Variants in FILIP1L observed in about 807,000 individuals in gnomAD.
The protein encoded by FILIP1L is filamin A-interacting protein 1-like.
Under a neutral mutation model 96.6 loss-of-function variants are expected in FILIP1L, and 55 were observed. That is an observed-to-expected ratio of 0.57 (90% CI 0.46 to 0.71). The LOEUF (loss-of-function observed/expected upper bound fraction) is 0.71, where lower values mean the gene tolerates loss of function less well. FILIP1L is among the 30% of genes least tolerant of loss of function. FILIP1L has a pLI of 0.00. For synonymous variants in FILIP1L, 467 were observed against 473.9 expected, an observed-to-expected ratio of 0.99 and a Z score of 0.19; for missense variants, 1,304 against 1,321.2, an observed-to-expected ratio of 0.99 and a Z score of 0.20.
Position 99,829,834 on chromosome 3 carries a change from A to G in FILIP1L, c.*580T>C, listed in dbSNP as rs1261189895. 3.3e-5 allele frequency among the ~76,000 whole-genome samples: 5 copies of G among 152,204 alleles called. No homozygotes were observed. The highest frequency in any genetic ancestry group is 9.6e-5 in the African/African-American group (4 of 41,456). ...CAGTGATTGTCAGGTATTCTGCACA[A>G]AGGATATATTCGGCTGTTATTCACT... On this transcript the variant is annotated 3_prime_UTR_variant, in exon 6 of 6. Coordinates refer to ENST00000477258, the MANE Select transcript of FILIP1L (RefSeq NM_001387850.1).
rs892329984 is a variant in FILIP1L at position 99,984,925 on chromosome 3, T to C, written c.-10-53895A>G. On this transcript the variant is annotated intron_variant, in intron 1 of 5. Coordinates refer to ENST00000477258, the MANE Select transcript of FILIP1L (RefSeq NM_001387850.1). ...AATAAGGAACTTGGACAACTGGAAT[T>C]CCCAGGTTAAATAAACTGAGGATAT... Among the ~76,000 whole-genome samples the C allele has an allele frequency of 6.6e-5, 10 of 152,258 alleles. No individual in the cohort carries two copies. In the Middle Eastern group the frequency reaches 0.01, roughly 155 times the overall value.
At chr3:99,934,595 A>G (rs984088089) in intron 1 of FILIP1L, among the ~76,000 whole-genome samples, 5 of 152,200 alleles carry the variant, frequency 3.3e-5, no homozygotes, top group Admixed American at 1.3e-4. Flanking sequence ...CAGAATACCA[A>G]GATAATGTAA....
At chr3:99,874,900 T>C (rs1705433508) in intron 4 of FILIP1L, among the ~76,000 whole-genome samples, 1 of 152,190 alleles carries the variant, frequency 6.6e-6, no homozygotes, top group East Asian at 1.9e-4. Flanking sequence ...CTCCAAACAG[T>C]TATCTTATAT....
chr3:100,103,469 C>T (rs1311697833), intron 1 of FILIP1L, among the ~76,000 whole-genome samples: 1 of 152,190 alleles, frequency 6.6e-6, no homozygotes, highest in African/African-American at 2.4e-5. Context: ...GTGTGAGCTC[C>T]TTTGTGTAAC....
At chr3:100,002,969 C>T (rs749159847) in intron 1 of FILIP1L, among the ~76,000 whole-genome samples, 13 of 152,110 alleles carry the variant, frequency 8.5e-5, no homozygotes, top group South Asian at 4.1e-4. Flanking sequence ...AGAGTCCAGG[C>T]GACAAGATTG....
At chr3:100,084,964 C>T (rs1393259310) in intron 1 of FILIP1L, among the ~76,000 whole-genome samples, 1 of 152,318 alleles carries the variant, frequency 6.6e-6, no homozygotes, top group Non-Finnish European at 1.5e-5. Context: ...TGCAGAAACT[C>T]ATTCTCTGTC....
At chr3:99,877,712 C>T (rs78603775) in intron 4 of FILIP1L, among the ~76,000 whole-genome samples, 173 of 152,286 alleles carry the variant, frequency 1.1e-3, no homozygotes, top group Non-Finnish European at 1.0e-3. Flanking sequence ...TTTTTAGTCT[C>T]CTGTGCTTAC....
Position 99,930,828 on chromosome 3 carries a change from C to T in FILIP1L, c.193G>A (p.Glu65Lys). ...AACAGGTCATCTCTTGAGAGGTCTT[C>T]TGCTTGGTGGCCATTACCACTGTGT... ...KPHSGNGHQA[E>K]DLSRDDLLFL... is the part of the protein sequence containing the mutation. Residue 65 changes from glutamate to lysine, a missense_variant, in exon 2 of 6, where the codon GAA (glutamate) becomes AAA (lysine). Transcript: ENST00000477258. The T allele has an allele frequency of 1.9e-6, 3 of 1,612,692 alleles. No individual in the cohort carries two copies. The highest frequency in any genetic ancestry group is 3.3e-4 in the Middle Eastern group (2 of 6,060).
chr3:99,848,640 G>T lies in FILIP1L; in HGVS notation c.3036C>A (p.Ser1012Arg), dbSNP rs771880511. 1.2e-6 allele frequency: 2 copies of T among 1,614,030 alleles called. No individual in the cohort carries two copies. The highest frequency in any genetic ancestry group is 3.3e-5 in the Admixed American group (2 of 59,998). Residue 1012 changes from serine (S) to arginine (R), a missense_variant, in exon 5 of 6, where the codon AGC becomes AGA. By Grantham distance (110) the Ser-to-Arg change is moderately radical. Transcript: ENST00000477258. Reference protein sequence around the residue: ...IQVLAVTGSASSPEQGRSPEP... With the variant: ...IQVLAVTGSARSPEQGRSPEP... ...CTGGGGAGCGTCCCTGCTCAGGAGA[G>T]CTAGCTGAACCAGTCACAGCCAAAA...
intron 1 of FILIP1L, among the ~76,000 whole-genome samples, chr3:99,931,947 C>T (rs1011804857): frequency 6.6e-6 from 1 of 152,088 alleles, no homozygotes; most frequent in South Asian, 2.1e-4. Flanking sequence ...CTCTTTGTCC[C>T]TACAAATCAT....
At chr3:99,881,509 A>G (rs1217737413) in intron 4 of FILIP1L, among the ~76,000 whole-genome samples, 1 of 151,348 alleles carries the variant, frequency 6.6e-6, no homozygotes, top group Admixed American at 6.6e-5. Context: ...GGACCTTGTC[A>G]TATAATTTGT....
intron 1 of FILIP1L, among the ~76,000 whole-genome samples, chr3:100,005,726 A>T (rs554899985): frequency 1.3e-5 from 2 of 152,362 alleles, no homozygotes; most frequent in African/African-American, 2.4e-5. Flanking sequence ...GTTAGCAGTC[A>T]TAATAAACAC....
intron 1 of FILIP1L, among the ~76,000 whole-genome samples, chr3:100,079,094 A>G (rs2065894820): frequency 6.6e-6 from 1 of 152,112 alleles, no homozygotes; most frequent in African/African-American, 2.4e-5. Flanking sequence ...GCTGAAATGT[A>G]CAAAATGACC....
intron 1 of FILIP1L, among the ~76,000 whole-genome samples, chr3:100,112,560 C>T (rs2107480208): frequency 6.6e-6 from 1 of 152,296 alleles, no homozygotes; most frequent in Admixed American, 6.5e-5. Flanking sequence ...AAGACAATTA[C>T]ACATGAACTT....
chr3:99,895,142 G>A (rs1425106173), intron 4 of FILIP1L, among the ~76,000 whole-genome samples: 2 of 152,080 alleles, frequency 1.3e-5, no homozygotes, highest in Non-Finnish European at 2.9e-5. Flanking sequence ...CAACTCAGGT[G>A]TTCATAACCC....
intron 4 of FILIP1L, among the ~76,000 whole-genome samples, chr3:99,911,607 G>A (rs1706791446): frequency 6.6e-6 from 1 of 152,028 alleles, no homozygotes; most frequent in Non-Finnish European, 1.5e-5. Flanking sequence ...TAATGTACCT[G>A]TGAGTGCATT....
intron 4 of FILIP1L, among the ~76,000 whole-genome samples, chr3:99,902,458 C>T (rs967934709): frequency 2.0e-5 from 3 of 152,152 alleles, no homozygotes; most frequent in African/African-American, 4.8e-5. Flanking sequence ...AAATGAAATA[C>T]CTTCTGATTC....
intron 4 of FILIP1L, among the ~76,000 whole-genome samples, chr3:99,916,435 T>TAC (rs1491315247): frequency 6.9e-4 from 83 of 120,210 alleles, no homozygotes; most frequent in African/African-American, 2.8e-3. Context: ...AATAACGGTT[T>TAC]ATACACACAC....
chr3:99,981,517 G>A (rs1709123722), intron 1 of FILIP1L, among the ~76,000 whole-genome samples: 1 of 152,126 alleles, frequency 6.6e-6, no homozygotes, highest in African/African-American at 2.4e-5. Flanking sequence ...CATGATAAAT[G>A]TTTGAGGTGA....
Sources: gnomAD v4.1 joint callset for allele counts (sites outside exome capture counted in the v4.1 genomes callset) on GRCh38, gnomAD v4.1.1 for gene constraint, MANE v1.5 for transcripts, NCBI Gene and HGNC (gene_info 2026-07-23, HGNC 2026-07-21) for gene names.